The following HECW1 variants were observed in gnomAD, a reference collection of about 807,000 sequenced individuals.
The protein encoded by HECW1 is HECT, C2 and WW domain containing E3 ubiquitin protein ligase 1.
A neutral mutation model predicts 182.3 loss-of-function variants in HECW1; 61 were observed. That is an observed-to-expected ratio of 0.33 (90% CI 0.27 to 0.41). The LOEUF is 0.41. HECW1 is among the 10% of genes least tolerant of loss of function. The pLI is 1.00. For missense variants in HECW1, 1,739 were observed against 2,108.9 expected (o/e 0.82, Z 3.44); for synonymous variants, 859 against 832.6 (o/e 1.03, Z -0.55).
chr7:43,551,517 T>C (rs1309559071), intron 27 of HECW1, among the ~76,000 whole-genome samples: 1 of 151,940 alleles, frequency 6.6e-6, no homozygotes, highest in Admixed American at 6.6e-5. Context: ...ATAGTAATAC[T>C]AATAGCTATT....
intron 5 of HECW1, 106 bp from the exon 6 acceptor site, chr7:43,360,780 C>G: frequency 1.2e-6 from 1 of 820,672 alleles, no homozygotes; most frequent in Admixed American, 2.0e-5. Flanking sequence ...CTGGCTTGCT[C>G]GTGGGGGAAT....
At chr7:43,370,852 A>G (rs1310445978) in intron 6 of HECW1, among the ~76,000 whole-genome samples, 1 of 151,932 alleles carries the variant, frequency 6.6e-6, no homozygotes, top group Non-Finnish European at 1.5e-5. Context: ...AAGGATGAAT[A>G]GGAGGATCAC....
intron 5 of HECW1, among the ~76,000 whole-genome samples, chr7:43,327,208 G>C (rs544628480): frequency 6.6e-6 from 1 of 152,226 alleles, no homozygotes; most frequent in South Asian, 2.1e-4. Context: ...CAACGTAAAG[G>C]TGTGATCATT....
chr7:43,480,511 T>G (rs2078386376), intron 17 of HECW1, among the ~76,000 whole-genome samples: 1 of 151,916 alleles, frequency 6.6e-6, no homozygotes, highest in African/African-American at 2.4e-5. Flanking sequence ...GAGAACTACT[T>G]CCCATAAAAC....
intron 19 of HECW1, among the ~76,000 whole-genome samples, chr7:43,495,270 ATTCCCC>A (rs2079075245): frequency 6.6e-6 from 1 of 151,064 alleles, no homozygotes; most frequent in Non-Finnish European, 1.5e-5. Flanking sequence ...CCTAGCCCCC[ATTCCCC>A]AACAGGCCCC....
intron 2 of HECW1, among the ~76,000 whole-genome samples, chr7:43,184,838 A>G (rs991151287): frequency 1.3e-5 from 2 of 152,106 alleles, no homozygotes; most frequent in African/African-American, 4.8e-5. Context: ...GAAAACTTAC[A>G]GTGATAGCGG....
At chr7:43,273,157 T>C (rs1802628109) in intron 3 of HECW1, among the ~76,000 whole-genome samples, 1 of 152,038 alleles carries the variant, frequency 6.6e-6, no homozygotes, top group Admixed American at 6.6e-5. Flanking sequence ...CAGTAGAAAC[T>C]GGGTTCTACT....
intron 16 of HECW1, among the ~76,000 whole-genome samples, chr7:43,474,906 C>A (rs1156352226): frequency 6.6e-6 from 1 of 152,100 alleles, no homozygotes; most frequent in Non-Finnish European, 1.5e-5. Flanking sequence ...ATTATGATTC[C>A]ACTCATATGA....
chr7:43,548,564 G>A (rs897561010), intron 26 of HECW1, among the ~76,000 whole-genome samples: 2 of 152,174 alleles, frequency 1.3e-5, no homozygotes, highest in Non-Finnish European at 2.9e-5. Flanking sequence ...GACACCGTAG[G>A]CTTTAGGATT....
At chr7:43,382,089 T>A (rs1241167086) in intron 6 of HECW1, among the ~76,000 whole-genome samples, 1 of 152,044 alleles carries the variant, frequency 6.6e-6, no homozygotes, top group Non-Finnish European at 1.5e-5. Context: ...AGCGAAACCA[T>A]CCTGGCTAAC....
rs1004303556 is a variant in HECW1, at chr7:43,565,528, A to G, written c.*3602A>G. On this transcript the variant is annotated 3_prime_UTR_variant, in exon 30 of 30. Coordinates refer to ENST00000395891, the MANE Select transcript of HECW1 (RefSeq NM_015052.5). ...AGATGAAACACTTTCAAATGAAAGT[A>G]GTTAGAACTTTACATAACAAATGTG... The G allele has an allele frequency of 1.1e-5, 2 of 180,260 alleles. No individual in the cohort carries two copies. Among genetic ancestry groups the G allele is most frequent in the African/African-American group, 2.4e-5 (1 of 42,284 alleles). The allele number at this position is 180,260 out of a possible 1,614,324, so 11.2% of individuals were successfully genotyped here. A position where few individuals can be genotyped will look rare whatever the true frequency, so the allele number is the denominator to read the frequency against.
chr7:43,200,881 G>A (rs4724185), intron 2 of HECW1, among the ~76,000 whole-genome samples: 50,533 of 152,092 alleles, frequency 0.33, 9,329 homozygotes, highest in Non-Finnish European at 0.41. Flanking sequence ...TACAAAGCCA[G>A]CAAGATGGGA....
At chr7:43,330,293 G>A (rs1811305993) in intron 5 of HECW1, among the ~76,000 whole-genome samples, 1 of 152,198 alleles carries the variant, frequency 6.6e-6, no homozygotes, top group African/African-American at 2.4e-5. Flanking sequence ...GGCTAGCTGT[G>A]TTCGGGGCTG....
intron 2 of HECW1, among the ~76,000 whole-genome samples, chr7:43,122,455 A>G (rs1450595284): frequency 1.3e-5 from 2 of 152,094 alleles, no homozygotes; most frequent in African/African-American, 2.4e-5. Context: ...ATTTCAAAGG[A>G]CTCAGAGACC....
intron 8 of HECW1, among the ~76,000 whole-genome samples, chr7:43,436,840 TTAAC>T (rs1208950603): frequency 6.6e-6 from 1 of 152,170 alleles, no homozygotes; most frequent in Non-Finnish European, 1.5e-5. Context: ...CATACACTAT[TTAAC>T]AAACAAGTAC....
chr7:43,342,235 C>G (rs1438996811), intron 5 of HECW1, among the ~76,000 whole-genome samples: 1 of 151,784 alleles, frequency 6.6e-6, no homozygotes, highest in Non-Finnish European at 1.5e-5. Flanking sequence ...GTGGAATCAT[C>G]AATGTTAGAT....
At chr7:43,327,788 G>A (rs1004233906) in intron 5 of HECW1, among the ~76,000 whole-genome samples, 3 of 152,070 alleles carry the variant, frequency 2.0e-5, no homozygotes, top group Non-Finnish European at 4.4e-5. Flanking sequence ...GTCCCTTTGA[G>A]GTTATCATGC....
intron 8 of HECW1, among the ~76,000 whole-genome samples, chr7:43,435,946 C>T (rs1186733141): frequency 1.3e-5 from 2 of 152,094 alleles, no homozygotes; most frequent in Non-Finnish European, 2.9e-5. Context: ...AGGCGGATCA[C>T]GAGGTCAGGA....
At chr7:43,443,087 G>A (rs1325630415) in intron 10 of HECW1, among the ~76,000 whole-genome samples, 1 of 152,182 alleles carries the variant, frequency 6.6e-6, no homozygotes, top group African/African-American at 2.4e-5. Context: ...AGAAAAACAA[G>A]AAAAGTATAA....
Sources: allele counts gnomAD v4.1 joint callset (sites outside exome capture counted in the v4.1 genomes callset), GRCh38; gene constraint gnomAD v4.1.1; transcripts MANE v1.5; gene names NCBI Gene and HGNC (gene_info 2026-07-23, HGNC 2026-07-21).